PRMT8: variants seen among roughly 807,000 people sequenced by gnomAD.
PRMT8 encodes protein arginine methyltransferase 8.
In PRMT8, 7 loss-of-function variants were observed where a neutral mutation model predicts 47.1. That is an observed-to-expected ratio of 0.15 (90% CI 0.08 to 0.28). The LOEUF is 0.28. PRMT8 is among the 10% of genes least tolerant of loss of function. The pLI is 1.00. For missense variants in PRMT8, 237 were observed against 505.4 expected, an observed-to-expected ratio of 0.47 and a Z score of 5.09; for synonymous variants, 188 against 186.5, an observed-to-expected ratio of 1.01 and a Z score of -0.07.
At chr12:3,496,852 C>T (rs1865517722) in intron 1 of PRMT8, among the ~76,000 whole-genome samples, 1 of 151,958 alleles carries the variant, frequency 6.6e-6, no homozygotes, top group East Asian at 1.9e-4. Context: ...TGACTTTTTC[C>T]TCCCTCCGCA....
Position 3,538,724 on chromosome 12 carries a change from C to A in PRMT8, c.76-1882C>A, listed in dbSNP as rs1221794025. ...GCTTTAGAGGTGATTCTGCAGCCTG[C>A]ACAGGAGTGTGCACTTGACACAGTC... is the stretch of plus-strand genomic sequence containing the variant. On this transcript the variant is annotated intron_variant, in intron 1 of 9. Coordinates refer to ENST00000382622, the MANE Select transcript of PRMT8 (RefSeq NM_019854.5). The surrounding 1 kb of genome is among the most constrained non-coding windows in gnomAD (Gnocchi z 4.6). 1 of 519,034 alleles carries A rather than the reference C, an allele frequency of 1.9e-6. No homozygotes were observed. Among genetic ancestry groups the A allele is most frequent in the Non-Finnish European group, 3.8e-6 (1 of 259,872 alleles). The allele number at this position is 519,034 out of a possible 1,614,324, so 32.2% of individuals were successfully genotyped here.
At chr12:3,582,175 G>T (rs758459886) in intron 7 of PRMT8, among the ~76,000 whole-genome samples, 7 of 152,174 alleles carry the variant, frequency 4.6e-5, no homozygotes, top group Non-Finnish European at 1.0e-4. Context: ...TAGTAGGTTT[G>T]CCCTGCCTCA....
At chr12:3,561,950 T>C (rs1866643794) in intron 4 of PRMT8, among the ~76,000 whole-genome samples, 1 of 152,212 alleles carries the variant, frequency 6.6e-6, no homozygotes, top group Non-Finnish European at 1.5e-5. Flanking sequence ...TCCTGAGAGC[T>C]GACTGTGAAA....
intron 7 of PRMT8, among the ~76,000 whole-genome samples, chr12:3,579,904 CA>C (rs1222967451): frequency 5.3e-5 from 8 of 152,092 alleles, no homozygotes; most frequent in Admixed American, 5.2e-4. Flanking sequence ...CACCTGAGGC[CA>C]AGTCAGTGGG....
In PRMT8 at chr12:3,417,192, T is replaced by G. The variant is rs1220468844; in HGVS notation, c.48+35750T>G. On this transcript the variant is annotated intron_variant, in intron 1 of 9. Transcript: ENST00000452611. The stretch of plus-strand genomic sequence containing the variant: ...TGTGGAGTTCGTAAATTTTGGAGTC[T>G]CTTGTTGCCACACAGAGGTTTATTT... Among the ~76,000 whole-genome samples the G allele has an allele frequency of 2.0e-5, 3 of 152,218 alleles. No homozygotes were observed. In the East Asian group the frequency reaches 5.8e-4, roughly 29 times the overall value.
intron 1 of PRMT8, among the ~76,000 whole-genome samples, chr12:3,417,690 G>A (rs764959660): frequency 2.0e-5 from 3 of 152,178 alleles, no homozygotes; most frequent in Non-Finnish European, 4.4e-5. Context: ...TTCACCATCA[G>A]GTCTTCATTC....
In PRMT8 at chr12:3,493,707, C is replaced by G. The variant is rs1348739136; in HGVS notation, c.75+2007C>G. Among the ~76,000 whole-genome samples, 1 of 152,272 alleles carries G rather than the reference C, an allele frequency of 6.6e-6. No individual in the cohort carries two copies. Among genetic ancestry groups the G allele is most frequent in the Non-Finnish European group, 1.5e-5 (1 of 68,052 alleles). ...CTTCCCCCGCCGCTCCGCGCTCCCC[C>G]TTCTCAGCAGTTGCACATGCCAGCT... is the stretch of plus-strand genomic sequence containing the variant. On this transcript the variant is annotated intron_variant, in intron 1 of 9. Transcript: ENST00000382622. This position sits in a 1 kb window ranked among gnomAD's most constrained non-coding sequence, Gnocchi z 8.2.
chr12:3,422,450 T>C (rs918826739), intron 1 of PRMT8, among the ~76,000 whole-genome samples: 2 of 151,958 alleles, frequency 1.3e-5, no homozygotes, highest in African/African-American at 4.8e-5. Context: ...CAGCTGGGAG[T>C]GTTGGCAGAC....
chr12:3,412,896 A>C (rs920594897), intron 1 of PRMT8, among the ~76,000 whole-genome samples: 6 of 152,194 alleles, frequency 3.9e-5, no homozygotes, highest in African/African-American at 1.4e-4. Flanking sequence ...TACAGGTGTG[A>C]GCCACCATGC....
In PRMT8 at chr12:3,593,167, C is replaced by A; in HGVS notation, c.1170C>A (p.Asp390Glu). The change falls in exon 10 of 10, where the codon GAC (aspartate) becomes GAA (glutamate). Residue 390 changes from aspartate (D) to glutamate (E), a missense_variant. Around this residue, in one of 5 missense-constraint regions of PRMT8, gnomAD observed 151 missense variants for 341.1 expected, o/e 0.44. Transcript: ENST00000382622. This position sits in a 1 kb window ranked among gnomAD's most constrained non-coding sequence, Gnocchi z 4.8. Reference protein sequence around the residue: ...GQLCETSVSNDYKMR With the variant: ...GQLCETSVSNEYKMR ...TGTGTGAAACATCTGTATCTAATGA[C>A]TACAAAATGCGTTAGCACACGTGGG... 1 of 1,613,810 alleles carries A rather than the reference C, an allele frequency of 6.2e-7. No individual in the cohort carries two copies. Among genetic ancestry groups the A allele is most frequent in the Non-Finnish European group, 8.5e-7 (1 of 1,179,798 alleles).
chr12:3,402,707 A>G (rs1236822801), intron 1 of PRMT8, among the ~76,000 whole-genome samples: 1 of 152,240 alleles, frequency 6.6e-6, no homozygotes, highest in African/African-American at 2.4e-5. Flanking sequence ...GCCAACAAAC[A>G]TATGAGAAAA....
At chr12:3,590,883 C>T (rs1012304903) in intron 8 of PRMT8, among the ~76,000 whole-genome samples, 22 of 152,154 alleles carry the variant, frequency 1.4e-4, no homozygotes, top group African/African-American at 5.3e-4. Flanking sequence ...GGAAGCAAGG[C>T]TGGCCCGGTC....
chr12:3,487,364 G>A (rs1028785095), upstream of PRMT8, among the ~76,000 whole-genome samples: 4 of 152,128 alleles, frequency 2.6e-5, no homozygotes, highest in East Asian at 7.7e-4. Flanking sequence ...CAGTTAAAAT[G>A]CTGCTTCCTG....
At chr12:3,463,203 A>G (rs1865057995) in intron 1 of PRMT8, 2 of 152,210 alleles carry the variant, frequency 1.3e-5, no homozygotes, top group Admixed American at 1.3e-4. Context: ...TCTCACAGCT[A>G]GTCTCACTGA....
intron 4 of PRMT8, among the ~76,000 whole-genome samples, chr12:3,555,503 A>G (rs1433240447): frequency 1.3e-5 from 2 of 152,204 alleles, no homozygotes; most frequent in African/African-American, 4.8e-5. Flanking sequence ...GGGATCAGAG[A>G]GGGAGGAGGG....
intron 1 of PRMT8, among the ~76,000 whole-genome samples, chr12:3,519,353 G>A (rs1865845352): frequency 6.6e-6 from 1 of 152,214 alleles, no homozygotes; most frequent in Non-Finnish European, 1.5e-5. Flanking sequence ...GAGTACAAGA[G>A]GAAGTGAGAG....
intron 1 of PRMT8, among the ~76,000 whole-genome samples, chr12:3,479,335 G>A (rs1865249898): frequency 2.0e-5 from 3 of 152,292 alleles, no homozygotes; most frequent in African/African-American, 7.2e-5. Flanking sequence ...CTGTCTCTTG[G>A]CTTTTCCGCC....
chr12:3,450,112 G>C (rs1341979480), intron 1 of PRMT8, among the ~76,000 whole-genome samples: 1 of 152,218 alleles, frequency 6.6e-6, no homozygotes, highest in African/African-American at 2.4e-5. Flanking sequence ...TAGATAGATA[G>C]TTGAAAGCGT....
At chr12:3,553,862 G>C in intron 4 of PRMT8, 148 bp downstream of exon 4, 1 of 731,364 alleles carries the variant, frequency 1.4e-6, no homozygotes, top group South Asian at 1.7e-5. Flanking sequence ...GCAAGACTGC[G>C]GCCATGGGTA....
Sources: allele counts gnomAD v4.1 joint callset (sites outside exome capture counted in the v4.1 genomes callset), GRCh38; gene constraint gnomAD v4.1.1; regional missense constraint gnomAD v4.1.1; non-coding constraint Gnocchi (gnomAD v3.1); transcripts MANE v1.5; gene names NCBI Gene and HGNC (gene_info 2026-07-23, HGNC 2026-07-21).